Variants in CTNNA2 observed in about 807,000 individuals in gnomAD.
CTNNA2 encodes catenin alpha-2.
CTNNA2 carries 42 observed loss-of-function variants against 101.0 expected under a neutral mutation model. The observed-to-expected ratio is 0.42, with a 90% CI of 0.32 to 0.54. The LOEUF (loss-of-function observed/expected upper bound fraction) is 0.54, where lower values mean the gene tolerates loss of function less well. Among genes scored for constraint, CTNNA2 ranks in the 20% least tolerant of loss-of-function variants. The pLI is 0.14. For synonymous variants in CTNNA2, 450 were observed against 456.4 expected (o/e 0.99, Z 0.18); for missense variants, 871 against 1,223.1 (o/e 0.71, Z 4.29).
At chr2:80,641,371 C>A (rs948978045) in intron 18 of CTNNA2, among the ~76,000 whole-genome samples, 1 of 152,110 alleles carries the variant, frequency 6.6e-6, no homozygotes, top group Non-Finnish European at 1.5e-5. Context: ...AGTAGATGAT[C>A]AGCTTTTTTG....
At chr2:79,766,180 G>A (rs1200250752) in intron 3 of CTNNA2, among the ~76,000 whole-genome samples, 2 of 152,156 alleles carry the variant, frequency 1.3e-5, no homozygotes, top group Admixed American at 6.5e-5. Flanking sequence ...TCTTATTGAA[G>A]TGCTTCCTTT....
chr2:80,368,867 G>GTGTATATATATATA (rs112571951), intron 7 of CTNNA2, among the ~76,000 whole-genome samples: 3 of 144,734 alleles, frequency 2.1e-5, no homozygotes, highest in African/African-American at 7.8e-5. Context: ...GTGTGTGTGT[G>GTGTATATATATATA]TATATATATA....
intron 7 of CTNNA2, among the ~76,000 whole-genome samples, chr2:80,094,415 A>G (rs1700007007): frequency 6.6e-6 from 1 of 152,170 alleles, no homozygotes; most frequent in Non-Finnish European, 1.5e-5. Flanking sequence ...GTGGCCTTAT[A>G]GTATAGTTTA....
intron 16 of CTNNA2, among the ~76,000 whole-genome samples, 162 bp downstream of exon 16, chr2:80,604,341 G>C (rs1697815855): frequency 6.6e-6 from 1 of 151,940 alleles, no homozygotes; most frequent in South Asian, 2.1e-4. Context: ...TCCTGACACT[G>C]TGCTAGTGGC....
chr2:80,606,613 A>T (rs924338341), intron 16 of CTNNA2, among the ~76,000 whole-genome samples: 1 of 151,946 alleles, frequency 6.6e-6, no homozygotes, highest in Non-Finnish European at 1.5e-5. Flanking sequence ...ACCTATTTCC[A>T]TGATTTAGGA....
chr2:80,190,615 G>T (rs764078835), intron 7 of CTNNA2, among the ~76,000 whole-genome samples: 3 of 152,112 alleles, frequency 2.0e-5, no homozygotes, highest in African/African-American at 7.2e-5. Context: ...GCCATACAGG[G>T]TTATTCTAAG....
intron 7 of CTNNA2, among the ~76,000 whole-genome samples, chr2:80,150,768 TTTTCCCCGTGTGGTTTCTG>T (rs1703648515): frequency 1.3e-5 from 2 of 152,190 alleles, no homozygotes; most frequent in Non-Finnish European, 2.9e-5. Flanking sequence ...ACTTCACCTG[TTTTCCCCGTGTGGTTTCTG>T]AAAATGGATA....
At chr2:79,455,442 G>A (rs746506366) in intron 4 of CTNNA2, among the ~76,000 whole-genome samples, 3 of 151,972 alleles carry the variant, frequency 2.0e-5, no homozygotes, top group Non-Finnish European at 2.9e-5. Context: ...CAAAGGTCTC[G>A]GTCCCTGTCA....
At chr2:79,416,888 C>T (rs941212069) in intron 4 of CTNNA2, among the ~76,000 whole-genome samples, 2 of 152,076 alleles carry the variant, frequency 1.3e-5, no homozygotes, top group Non-Finnish European at 2.9e-5. Flanking sequence ...ACAGGATCTT[C>T]CCCTCTTAAC....
intron 9 of CTNNA2, among the ~76,000 whole-genome samples, chr2:80,455,419 A>T (rs1190847080): frequency 6.6e-6 from 1 of 152,226 alleles, no homozygotes; most frequent in African/African-American, 2.4e-5. Flanking sequence ...TGAGGGAAAC[A>T]GAAGCAGATT....
rs147730091 is a variant in CTNNA2 at position 80,065,603 on chromosome 2, C to T, written c.1056+155806C>T. 2.9e-3 allele frequency among the ~76,000 whole-genome samples: 435 copies of T among 152,212 alleles called. 2 individuals are homozygous for T. Among genetic ancestry groups the T allele is most frequent in the Non-Finnish European group, 3.9e-3 (266 of 68,010 alleles). On this transcript the variant is annotated intron_variant, in intron 7 of 18. Coordinates refer to ENST00000402739, the MANE Select transcript of CTNNA2 (RefSeq NM_001282597.3). The stretch of plus-strand genomic sequence containing the variant: ...TCCTGACCTTGTGATCTGCCCGCCT[C>T]GGCCTCCCAAAGTGCTGGGATTACA...
rs144952341 is a variant in CTNNA2 at position 79,857,870 on chromosome 2, T to C, written c.299-143T>C. ...TGATGTACTTGACTTAAAGGGCTCTTTGCTGCAATAGAGGTGGCAGAAATA... is the reference window on the plus strand; with the variant it reads ...TGATGTACTTGACTTAAAGGGCTCTCTGCTGCAATAGAGGTGGCAGAAATA... On this transcript the variant is annotated intron_variant, in intron 3 of 18. Coordinates refer to ENST00000402739, the MANE Select transcript of CTNNA2 (RefSeq NM_001282597.3). The C allele has an allele frequency of 5.2e-4, 424 of 810,432 alleles. 1 individual carries two copies. In the African/African-American group the frequency reaches 6.2e-3, roughly 12 times the overall value. 50.2% of individuals were successfully genotyped at this position (810,432 alleles called of 1,614,324 possible).
chr2:80,122,764 T>C (rs1025993255), intron 7 of CTNNA2, among the ~76,000 whole-genome samples: 1 of 152,126 alleles, frequency 6.6e-6, no homozygotes, highest in Non-Finnish European at 1.5e-5. Context: ...CATGTGCATA[T>C]GTGTGTGAAT....
intron 4 of CTNNA2, among the ~76,000 whole-genome samples, chr2:79,860,816 G>GTCAATAA (rs1681566947): frequency 6.6e-6 from 1 of 151,980 alleles, no homozygotes; most frequent in African/African-American, 2.4e-5. Flanking sequence ...AAGACAATAC[G>GTCAATAA]TCAATAATTC....
At chr2:79,884,196 G>A (rs1683662813) in intron 6 of CTNNA2, among the ~76,000 whole-genome samples, 1 of 152,010 alleles carries the variant, frequency 6.6e-6, no homozygotes, top group South Asian at 2.1e-4. Flanking sequence ...CTTGCCCTGG[G>A]AATTTGTTTG....
In CTNNA2 at chr2:80,165,341, C is replaced by T. The variant is rs115058091; in HGVS notation, c.1057-227870C>T. Among the ~76,000 whole-genome samples the T allele has an allele frequency of 5.4e-3, 816 of 151,106 alleles. 5 individuals are homozygous for T. Among genetic ancestry groups the T allele is most frequent in the African/African-American group, 0.019 (788 of 41,138 alleles). ...CCAGTTCACCAATTCTTTCCTCCATCTCTTCTATTCTGCTATTAAGCTCAT... is the reference window on the plus strand; with the variant it reads ...CCAGTTCACCAATTCTTTCCTCCATTTCTTCTATTCTGCTATTAAGCTCAT... On this transcript the variant is annotated intron_variant, in intron 7 of 18. Coordinates refer to ENST00000402739, the MANE Select transcript of CTNNA2 (RefSeq NM_001282597.3).
At chr2:80,022,301 C>A (rs1312451130) in intron 7 of CTNNA2, among the ~76,000 whole-genome samples, 1 of 152,184 alleles carries the variant, frequency 6.6e-6, no homozygotes, top group Admixed American at 6.5e-5. Flanking sequence ...AGATATGATT[C>A]TTTCCTCAGG....
intron 15 of CTNNA2, among the ~76,000 whole-genome samples, chr2:80,596,513 C>T (rs531826836): frequency 2.6e-5 from 4 of 151,124 alleles, no homozygotes; most frequent in Middle Eastern, 3.4e-3. Context: ...GGGGCTTCAC[C>T]GTGTTCGCCA....
At chr2:79,334,079 G>C (rs1468966443) in intron 3 of CTNNA2, among the ~76,000 whole-genome samples, 1 of 152,080 alleles carries the variant, frequency 6.6e-6, no homozygotes, top group African/African-American at 2.4e-5. Flanking sequence ...TCATGTCTTT[G>C]TGTTGGGGAC....
Sources: allele counts gnomAD v4.1 joint callset (sites outside exome capture counted in the v4.1 genomes callset), GRCh38; gene constraint gnomAD v4.1.1; transcripts MANE v1.5; gene names NCBI Gene and HGNC (gene_info 2026-07-23, HGNC 2026-07-21).